Variants in BTBD9 observed in about 807,000 individuals in gnomAD.
BTBD9 encodes the protein BTB/POZ domain-containing protein 9.
BTBD9 carries 49 observed loss-of-function variants against 64.3 expected under a neutral mutation model. That is an observed-to-expected ratio of 0.76 (90% confidence interval 0.61 to 0.97). The LOEUF is 0.97. Ranked by LOEUF, BTBD9 falls within the 50% of genes least tolerant of loss-of-function variation. The pLI, the probability that BTBD9 is intolerant of heterozygous loss-of-function variation, is 0.00. For synonymous variants in BTBD9, 260 were observed against 274.7 expected, an observed-to-expected ratio of 0.95 and a Z score of 0.53; for missense variants, 598 against 762.1, an observed-to-expected ratio of 0.78 and a Z score of 2.53.
chr6:38,262,453 A>G (rs13194038), intron 8 of BTBD9, among the ~76,000 whole-genome samples: 5,327 of 151,790 alleles, frequency 0.035, 136 homozygotes, highest in Non-Finnish European at 0.053. Context: ...TTTCCCTAAA[A>G]GCAGTGAAGT....
chr6:38,517,759 T>C (rs2127416619), intron 6 of BTBD9, among the ~76,000 whole-genome samples: 1 of 152,320 alleles, frequency 6.6e-6, no homozygotes, highest in Admixed American at 6.5e-5. Context: ...ACCTTCCATG[T>C]CTCTTCTTAG....
intron 6 of BTBD9, among the ~76,000 whole-genome samples, chr6:38,432,627 C>G (rs1768496825): frequency 6.6e-6 from 1 of 151,900 alleles, no homozygotes; most frequent in Admixed American, 6.6e-5. Flanking sequence ...TAAGATTGGT[C>G]TTCTGAGATG....
At position 38,575,400 on chromosome 6, in the gene BTBD9, C is replaced by T. The variant is rs542692817; in HGVS notation, c.1154+2200G>A. Among the ~76,000 whole-genome samples, 12 of 152,202 alleles carry T rather than the reference C, an allele frequency of 7.9e-5. No homozygotes were observed. In the South Asian group the frequency reaches 8.3e-4, roughly 11 times the overall value. The stretch of plus-strand genomic sequence containing the variant: ...TTTAGTATCAGAGGCAAGATAAACA[C>T]GCAAAGGACACTAAAGAACAAAGCT... On this transcript the variant is annotated intron_variant, in intron 6 of 10. Transcript: ENST00000481247.
At chr6:38,245,901 A>G (rs889502588) in intron 9 of BTBD9, among the ~76,000 whole-genome samples, 3 of 152,218 alleles carry the variant, frequency 2.0e-5, no homozygotes, top group Non-Finnish European at 2.9e-5. Context: ...TTATTGAGGT[A>G]TGCTTCATTT....
At chr6:38,234,843 T>C (rs1384539877) in intron 9 of BTBD9, among the ~76,000 whole-genome samples, 1 of 152,284 alleles carries the variant, frequency 6.6e-6, no homozygotes, top group African/African-American at 2.4e-5. Context: ...AATGCTGCCA[T>C]ATTTCACACT....
intron 8 of BTBD9, among the ~76,000 whole-genome samples, chr6:38,287,520 T>C (rs967831791): frequency 6.6e-6 from 1 of 152,194 alleles, no homozygotes; most frequent in Non-Finnish European, 1.5e-5. Flanking sequence ...CACAAATACT[T>C]ACCACTGTGT....
At chr6:38,457,830 C>T (rs1426067325) in intron 6 of BTBD9, among the ~76,000 whole-genome samples, 1 of 152,130 alleles carries the variant, frequency 6.6e-6, no homozygotes, top group Non-Finnish European at 1.5e-5. Context: ...ATGTCTCTCC[C>T]CCAACTGGTC....
In BTBD9 at chr6:38,375,433, C is replaced by T. The variant is rs1300494764; in HGVS notation, c.1155-30340G>A. 2.0e-5 allele frequency among the ~76,000 whole-genome samples: 3 copies of T among 152,170 alleles called. No homozygotes were observed. The East Asian group carries it at 5.8e-4, about 29-fold the overall frequency. ...TTAGAAAGTCTGCACCCTGAAGATG[C>T]TTACAGTTTTCAGGACCAAATTCTA... On this transcript the variant is annotated intron_variant, in intron 6 of 10. Transcript: ENST00000481247.
At chr6:38,526,998 G>A (rs1773527707) in intron 6 of BTBD9, among the ~76,000 whole-genome samples, 1 of 152,074 alleles carries the variant, frequency 6.6e-6, no homozygotes, top group African/African-American at 2.4e-5. Flanking sequence ...AAAGATGGCT[G>A]GGTGCGGTGG....
At chr6:38,556,697 G>A (rs1258187007) in intron 6 of BTBD9, among the ~76,000 whole-genome samples, 1 of 151,630 alleles carries the variant, frequency 6.6e-6, no homozygotes, top group Non-Finnish European at 1.5e-5. Flanking sequence ...GATAAACAGA[G>A]ATGAAAAAGA....
At chr6:38,394,766 A>G (rs962183953) in intron 6 of BTBD9, among the ~76,000 whole-genome samples, 36 of 152,098 alleles carry the variant, frequency 2.4e-4, no homozygotes, top group Non-Finnish European at 4.0e-4. Context: ...GCAGCCCTCT[A>G]TATAGGAAAA....
At chr6:38,378,873 CAAAAAAAAAAAAAAAG>C in intron 6 of BTBD9, among the ~76,000 whole-genome samples, 1 of 110,270 alleles carries the variant, frequency 9.1e-6, no homozygotes, top group Non-Finnish European at 2.0e-5. Flanking sequence ...GACTCCATCT[CAAAAAAAAAAAAAAAG>C]AAAAAAAAGG....
At chr6:38,517,850 T>C (rs1024232472) in intron 6 of BTBD9, among the ~76,000 whole-genome samples, 1 of 152,144 alleles carries the variant, frequency 6.6e-6, no homozygotes, top group African/African-American at 2.4e-5. Context: ...CTTTTGCCCT[T>C]ACCCTTATAG....
chr6:38,504,487 C>CTCT lies in BTBD9; in HGVS notation c.1154+73110_1154+73112dup, dbSNP rs1384393132. 26 of 455,890 alleles carry CTCT rather than the reference C, an allele frequency of 5.7e-5. No homozygotes were observed. The East Asian group carries it at 1.7e-3, about 29-fold the overall frequency. 28.2% of individuals were successfully genotyped at this position (455,890 alleles called of 1,614,324 possible). ...TCTACTGAACTTTAGACCACATCTC[C>CTCT]TCTTACCTTTTGAGGACTTTGCACT... On this transcript the variant is annotated intron_variant, in intron 6 of 10. Transcript: ENST00000481247.
intron 6 of BTBD9, among the ~76,000 whole-genome samples, chr6:38,447,024 C>T (rs1769306840): frequency 6.6e-6 from 1 of 152,192 alleles, no homozygotes; most frequent in Admixed American, 6.5e-5. Context: ...TTCTTCAGTG[C>T]AACATTCATA....
At chr6:38,417,544 C>A (rs543456388) in intron 6 of BTBD9, among the ~76,000 whole-genome samples, 4 of 152,150 alleles carry the variant, frequency 2.6e-5, no homozygotes, top group Non-Finnish European at 5.9e-5. Flanking sequence ...GAGGCTGAGG[C>A]TAGTGGATCA....
intron 8 of BTBD9, among the ~76,000 whole-genome samples, chr6:38,260,259 A>G (rs1764745559): frequency 6.6e-6 from 1 of 152,160 alleles, no homozygotes; most frequent in South Asian, 2.1e-4. Context: ...CTAGGGGAAA[A>G]CTTCAAATCA....
chr6:38,335,387 G>T (rs931117640), intron 7 of BTBD9, among the ~76,000 whole-genome samples: 5 of 151,102 alleles, frequency 3.3e-5, no homozygotes, highest in Admixed American at 6.6e-5. Context: ...TGAGTAGCTG[G>T]AGCTACAGGC....
intron 6 of BTBD9, among the ~76,000 whole-genome samples, chr6:38,473,236 T>C (rs1002550278): frequency 6.6e-6 from 1 of 152,178 alleles, no homozygotes; most frequent in African/African-American, 2.4e-5. Flanking sequence ...CAATACTCTT[T>C]TTAAAAAATG....
Sources: allele counts gnomAD v4.1 joint callset (sites outside exome capture counted in the v4.1 genomes callset), GRCh38; gene constraint gnomAD v4.1.1; transcripts MANE v1.5; gene names NCBI Gene and HGNC (gene_info 2026-07-23, HGNC 2026-07-21).